Variants in E2F3 observed in about 807,000 individuals in gnomAD.
E2F3 encodes the protein E2F transcription factor 3.
Under a neutral mutation model 44.4 loss-of-function variants are expected in E2F3, and 11 were observed. The observed-to-expected ratio is 0.25, with a 90% CI of 0.16 to 0.41. The LOEUF (loss-of-function observed/expected upper bound fraction) is 0.41, where lower values mean the gene tolerates loss of function less well. E2F3 is among the 10% of genes least tolerant of loss of function. E2F3 has a pLI of 1.00. For synonymous variants in E2F3, 249 were observed against 253.0 expected (o/e 0.98, Z 0.15); for missense variants, 487 against 583.6 (o/e 0.83, Z 1.70).
chr6:20,487,872 G>A (rs1438414827), intron 5 of E2F3, among the ~76,000 whole-genome samples: 1 of 152,188 alleles, frequency 6.6e-6, no homozygotes, highest in Non-Finnish European at 1.5e-5. Flanking sequence ...GGGAATGGAT[G>A]TGACTCTCTT....
At chr6:20,424,286 G>T in intron 1 of E2F3, among the ~76,000 whole-genome samples, 1 of 135,080 alleles carries the variant, frequency 7.4e-6, no homozygotes, top group Non-Finnish European at 1.5e-5. Context: ...TAAACGAATA[G>T]CCAGTTAAAC....
intron 1 of E2F3, among the ~76,000 whole-genome samples, chr6:20,460,081 A>T (rs1043013481): frequency 4.6e-5 from 7 of 152,150 alleles, no homozygotes; most frequent in African/African-American, 1.7e-4. Context: ...ACTAAATGTT[A>T]TTCTTTGTCA....
intron 1 of E2F3, among the ~76,000 whole-genome samples, chr6:20,457,500 A>G (rs1446115458): frequency 6.6e-6 from 1 of 151,784 alleles, no homozygotes; most frequent in Non-Finnish European, 1.5e-5. Flanking sequence ...TCTCTCTTTA[A>G]TCTCCCAATT....
At position 20,482,620 on chromosome 6, in the gene E2F3, A is replaced by ATATG. The variant is rs1554141465; in HGVS notation, c.726-141_726-140insATGT. 2,465 of 293,116 alleles carry ATATG rather than the reference A, an allele frequency of 8.4e-3. 18 individuals are homozygous for ATATG. The highest frequency in any genetic ancestry group is 0.013 in the Middle Eastern group (11 of 824). 18.2% of individuals were successfully genotyped at this position (293,116 alleles called of 1,614,324 possible). ...AAAAAATATATATATATATATATATATGTGTAAATGTTCTAATTTTAACAC... is the reference window on the plus strand; with the variant it reads ...AAAAAATATATATATATATATATATATATGTGTGTAAATGTTCTAATTTTAACAC... On this transcript the variant is annotated intron_variant, in intron 3 of 6. Coordinates refer to ENST00000346618, the MANE Select transcript of E2F3 (RefSeq NM_001949.5).
chr6:20,476,998 A>G (rs570584421), intron 1 of E2F3, among the ~76,000 whole-genome samples: 1 of 152,346 alleles, frequency 6.6e-6, no homozygotes, highest in South Asian at 2.1e-4. Flanking sequence ...TAAAATATAT[A>G]TATAAAGAAA....
At chr6:20,416,145 T>A (rs911648786) in intron 1 of E2F3, among the ~76,000 whole-genome samples, 1 of 152,242 alleles carries the variant, frequency 6.6e-6, no homozygotes, top group African/African-American at 2.4e-5. Context: ...CTAAACACTC[T>A]GACATTTGTT....
chr6:20,478,803 C>T (rs545391032), intron 1 of E2F3, among the ~76,000 whole-genome samples: 1 of 152,264 alleles, frequency 6.6e-6, no homozygotes. Context: ...GAGCAAGACT[C>T]TGTCTTAAAA....
rs1260853009 is a variant in E2F3 at position 20,402,433 on chromosome 6, C to T, written c.201C>T (p.Thr67=). Residue 67 remains threonine, a synonymous_variant, in exon 1 of 7, where the codon ACC becomes ACT. Coordinates refer to ENST00000346618, the MANE Select transcript of E2F3 (RefSeq NM_001949.5). The surrounding 1 kb of genome is among the most constrained non-coding windows in gnomAD (Gnocchi z 5.6). ...AGATCCTCACCACGAACACTTCCAC[C>T]ACCTCCTGTTCCTCCTCCCTCCAAA... ...YIQILTTNTS[T]TSCSSSLQSG... is the part of the protein sequence containing the mutation. 6.2e-7 allele frequency: 1 copy of T among 1,611,778 alleles called. No individual in the cohort carries two copies. The highest frequency in any genetic ancestry group is 1.1e-5 in the South Asian group (1 of 91,068).
At chr6:20,409,746 G>C (rs1759606627) in intron 1 of E2F3, among the ~76,000 whole-genome samples, 1 of 152,216 alleles carries the variant, frequency 6.6e-6, no homozygotes, top group Non-Finnish European at 1.5e-5. Flanking sequence ...TTGGAACTGA[G>C]AAAGCTTAAA....
chr6:20,419,927 G>A (rs936254201), intron 1 of E2F3, among the ~76,000 whole-genome samples: 1 of 152,146 alleles, frequency 6.6e-6, no homozygotes, highest in Non-Finnish European at 1.5e-5. Context: ...GTGCAGTGGT[G>A]CAGTCTTGGC....
At chr6:20,469,069 T>A (rs1255065175) in intron 1 of E2F3, among the ~76,000 whole-genome samples, 1 of 151,854 alleles carries the variant, frequency 6.6e-6, no homozygotes, top group Non-Finnish European at 1.5e-5. Context: ...TTGGAAAAAA[T>A]TTGAGGATTT....
chr6:20,493,387 T>C lies in E2F3; in HGVS notation c.*2957T>C, dbSNP rs952412411. 3 of 226,306 alleles carry C rather than the reference T, an allele frequency of 1.3e-5. No individual in the cohort carries two copies. The highest frequency in any genetic ancestry group is 6.7e-5 in the African/African-American group (3 of 44,912). 14.0% of individuals were successfully genotyped at this position (226,306 alleles called of 1,614,324 possible). A position where few individuals can be genotyped will look rare whatever the true frequency, so the allele number is the denominator to read the frequency against. ...AAGGAGGGATATGAAGGAAGATGGCTTGCAGAGTAAGTCGGGTGGCAATTG... is the reference window on the plus strand; with the variant it reads ...AAGGAGGGATATGAAGGAAGATGGCCTGCAGAGTAAGTCGGGTGGCAATTG... On this transcript the variant is annotated 3_prime_UTR_variant, in exon 7 of 7. Coordinates refer to ENST00000346618, the MANE Select transcript of E2F3 (RefSeq NM_001949.5).
chr6:20,432,118 A>G (rs967885603), intron 1 of E2F3, among the ~76,000 whole-genome samples: 3 of 152,254 alleles, frequency 2.0e-5, no homozygotes, highest in African/African-American at 7.2e-5. Flanking sequence ...CAACATAGGA[A>G]TTTAACGGGG....
chr6:20,434,205 G>A (rs144069234), intron 1 of E2F3, among the ~76,000 whole-genome samples: 116 of 152,278 alleles, frequency 7.6e-4, no homozygotes, highest in African/African-American at 2.4e-3. Flanking sequence ...AAATTCACTT[G>A]TGGCAAGAAT....
chr6:20,471,480 C>G (rs538127152), intron 1 of E2F3, among the ~76,000 whole-genome samples: 1 of 152,228 alleles, frequency 6.6e-6, no homozygotes, highest in African/African-American at 2.4e-5. Context: ...TACTTGGGAG[C>G]TGAGGCAGGA....
intron 1 of E2F3, among the ~76,000 whole-genome samples, chr6:20,448,798 G>A (rs1761034030): frequency 6.6e-6 from 1 of 152,222 alleles, no homozygotes. Flanking sequence ...GGGGTGAGGG[G>A]AGTGCCACAT....
In E2F3 at chr6:20,477,822, G is replaced by A. The variant is rs549910987; in HGVS notation, c.394-2024G>A. Among the ~76,000 whole-genome samples the A allele has an allele frequency of 2.0e-5, 3 of 152,294 alleles. No homozygotes were observed. The East Asian group carries it at 5.8e-4, about 29-fold the overall frequency. ...TCGTTATCTTCACATTGAGGAAGGT[G>A]TGGTGAAAGAAAAGAGGAGGGGTTG... On this transcript the variant is annotated intron_variant, in intron 1 of 6. Transcript: ENST00000346618.
intron 1 of E2F3, among the ~76,000 whole-genome samples, chr6:20,454,698 G>A (rs1221203160): frequency 1.3e-5 from 2 of 152,264 alleles, no homozygotes; most frequent in East Asian, 1.9e-4. Context: ...AAGCATCATT[G>A]TTCCTTCTCA....
intron 1 of E2F3, among the ~76,000 whole-genome samples, chr6:20,423,289 C>T (rs1760088466): frequency 6.6e-6 from 1 of 152,168 alleles, no homozygotes; most frequent in Admixed American, 6.5e-5. Flanking sequence ...TCCTAGGCTA[C>T]AAACCTGTAC....
Sources: gnomAD v4.1 joint callset for allele counts (sites outside exome capture counted in the v4.1 genomes callset) on GRCh38, gnomAD v4.1.1 for gene constraint, Gnocchi (gnomAD v3.1) non-coding constraint, MANE v1.5 for transcripts, NCBI Gene and HGNC (gene_info 2026-07-23, HGNC 2026-07-21) for gene names.